ADAMTSL3: variants seen among roughly 807,000 people sequenced by gnomAD.
ADAMTSL3 encodes the protein ADAMTS like 3.
ADAMTSL3 carries 128 observed loss-of-function variants against 201.7 expected under a neutral mutation model. The ratio of observed to expected loss-of-function variants is 0.63; its 90% CI spans 0.55 to 0.73. The LOEUF (loss-of-function observed/expected upper bound fraction) is 0.73, where lower values mean the gene tolerates loss of function less well. Among genes scored for constraint, ADAMTSL3 ranks in the 30% least tolerant of loss-of-function variants. ADAMTSL3 has a pLI of 0.00. For missense variants in ADAMTSL3, 1,990 were observed against 2,119.6 expected (o/e 0.94, Z 1.20); for synonymous variants, 738 against 748.4 (o/e 0.99, Z 0.23).
intron 7 of ADAMTSL3, among the ~76,000 whole-genome samples, chr15:83,848,186 A>T (rs2064541309): frequency 6.6e-6 from 1 of 152,212 alleles, no homozygotes; most frequent in South Asian, 2.1e-4. Flanking sequence ...AAAAAATAAA[A>T]AAATAAACAA....
chr15:83,865,922 A>C (rs953284680), intron 8 of ADAMTSL3, among the ~76,000 whole-genome samples: 74 of 152,204 alleles, frequency 4.9e-4, no homozygotes, highest in African/African-American at 1.6e-3. Context: ...TACAAGAAAA[A>C]AACAGCCCCA....
intron 6 of ADAMTSL3, among the ~76,000 whole-genome samples, chr15:83,837,031 T>C (rs1227905798): frequency 6.6e-6 from 1 of 152,128 alleles, no homozygotes; most frequent in Admixed American, 6.5e-5. Context: ...AGACATGACC[T>C]TTTTTCTCAT....
At chr15:83,797,164 A>G (rs556642579) in intron 4 of ADAMTSL3, among the ~76,000 whole-genome samples, 1 of 152,352 alleles carries the variant, frequency 6.6e-6, no homozygotes, top group Admixed American at 6.5e-5. Flanking sequence ...TAGTATTTGA[A>G]ATATTAAGTA....
intron 5 of ADAMTSL3, among the ~76,000 whole-genome samples, chr15:83,816,832 T>A (rs1374662770): frequency 6.6e-6 from 1 of 152,144 alleles, no homozygotes; most frequent in African/African-American, 2.4e-5. Context: ...ATGGCAAAAC[T>A]GTCTCTACAA....
chr15:83,817,610 A>C (rs2063789732), intron 5 of ADAMTSL3, among the ~76,000 whole-genome samples: 1 of 152,250 alleles, frequency 6.6e-6, no homozygotes, highest in South Asian at 2.1e-4. Context: ...AAGAGTTGAT[A>C]ATTTCACTAT....
intron 6 of ADAMTSL3, among the ~76,000 whole-genome samples, chr15:83,833,505 A>G (rs1279469979): frequency 1.3e-5 from 2 of 152,168 alleles, no homozygotes; most frequent in Admixed American, 6.5e-5. Context: ...GTCTCTGCAT[A>G]TGAATTTTGG....
intron 3 of ADAMTSL3, among the ~76,000 whole-genome samples, chr15:83,726,439 C>T (rs192447545): frequency 6.6e-6 from 1 of 152,186 alleles, no homozygotes; most frequent in East Asian, 1.9e-4. Context: ...CGTTGAATGA[C>T]AGTGGTGAAA....
At chr15:83,734,080 A>G (rs1011043233) in intron 3 of ADAMTSL3, among the ~76,000 whole-genome samples, 1 of 152,198 alleles carries the variant, frequency 6.6e-6, no homozygotes, top group African/African-American at 2.4e-5. Flanking sequence ...TTTGTGTTTT[A>G]TAATGATGCT....
chr15:83,914,032 A>C, intron 16 of ADAMTSL3, among the ~76,000 whole-genome samples: 1 of 152,294 alleles, frequency 6.6e-6, no homozygotes, highest in African/African-American at 2.4e-5. Context: ...TGAAAGTAAA[A>C]AGATAGAAAT....
intron 5 of ADAMTSL3, among the ~76,000 whole-genome samples, chr15:83,819,468 G>C (rs1313623941): frequency 6.6e-6 from 1 of 152,054 alleles, no homozygotes; most frequent in South Asian, 2.1e-4. Flanking sequence ...AAGGAGATTA[G>C]ATAATGCATT....
chr15:83,944,293 T>C (rs2066616169), intron 19 of ADAMTSL3, among the ~76,000 whole-genome samples: 1 of 152,184 alleles, frequency 6.6e-6, no homozygotes, highest in Non-Finnish European at 1.5e-5. Flanking sequence ...TTTGCTCCAG[T>C]CTTGCTGCAT....
chr15:83,874,677 C>T lies in ADAMTSL3; in HGVS notation c.960+3718C>T, dbSNP rs375719436. Among the ~76,000 whole-genome samples, 9 of 143,364 alleles carry T rather than the reference C, an allele frequency of 6.3e-5. 1 individual carries two copies. In the East Asian group the frequency reaches 2.1e-3, roughly 33 times the overall value. The allele number at this position is 143,364 out of a possible 152,430, so 94.1% of individuals were successfully genotyped here. On this transcript the variant is annotated intron_variant, in intron 9 of 29. Transcript: ENST00000286744. ...CTAGATGCAGAGCTCTAAAGCCAGC[C>T]AAGGATTGGATAGGGGTCCCAGCCA...
At chr15:83,902,537 T>C (rs574328639) in intron 15 of ADAMTSL3, among the ~76,000 whole-genome samples, 1 of 152,328 alleles carries the variant, frequency 6.6e-6, no homozygotes, top group South Asian at 2.1e-4. Flanking sequence ...CACAAAGTGC[T>C]GGGATTACAG....
Position 83,874,082 on chromosome 15 carries a change from G to A in ADAMTSL3, c.960+3123G>A, listed in dbSNP as rs1047995039. 2.8e-5 allele frequency among the ~76,000 whole-genome samples: 4 copies of A among 144,704 alleles called. 1 individual carries two copies. The highest frequency in any genetic ancestry group is 2.1e-4 in the South Asian group (1 of 4,690). The allele number at this position is 144,704 out of a possible 152,430, so 94.9% of individuals were successfully genotyped here. On this transcript the variant is annotated intron_variant, in intron 9 of 29. Coordinates refer to ENST00000286744, the MANE Select transcript of ADAMTSL3 (RefSeq NM_207517.3). Reference sequence around the variant, plus strand: ...CCTTTCTCCAGTAAGGCTGCACCTCGGTCTAGTGTCCTCAGGAGGATGTGC... The same window carrying A: ...CCTTTCTCCAGTAAGGCTGCACCTCAGTCTAGTGTCCTCAGGAGGATGTGC...
intron 19 of ADAMTSL3, among the ~76,000 whole-genome samples, chr15:83,966,842 T>C (rs1272247072): frequency 6.6e-6 from 1 of 152,206 alleles, no homozygotes; most frequent in African/African-American, 2.4e-5. Flanking sequence ...CACGATCAAG[T>C]CAGCTTCCTC....
At chr15:83,905,872 C>A (rs531497399) in intron 15 of ADAMTSL3, among the ~76,000 whole-genome samples, 62 of 151,996 alleles carry the variant, frequency 4.1e-4, no homozygotes, top group African/African-American at 1.4e-3. Flanking sequence ...TTTCCCCATA[C>A]GTTCATCAAA....
At chr15:83,946,685 A>AAGAT (rs2066660894) in intron 19 of ADAMTSL3, among the ~76,000 whole-genome samples, 1 of 152,244 alleles carries the variant, frequency 6.6e-6, no homozygotes, top group South Asian at 2.1e-4. Context: ...AGGTCTGCTA[A>AAGAT]CACAGGAGAG....
rs542661437 is a variant in ADAMTSL3 at position 83,774,314 on chromosome 15, T to C, written c.317+664T>C. On this transcript the variant is annotated intron_variant, in intron 4 of 29. Coordinates refer to ENST00000286744, the MANE Select transcript of ADAMTSL3 (RefSeq NM_207517.3). Reference sequence around the variant, plus strand: ...AAGATTATGTCAGTCATCTTCAGATTTGGGATATTGTTAGGCAAAAGAGTA... The same window carrying C: ...AAGATTATGTCAGTCATCTTCAGATCTGGGATATTGTTAGGCAAAAGAGTA... Among the ~76,000 whole-genome samples, 6 of 152,312 alleles carry C rather than the reference T, an allele frequency of 3.9e-5. No individual in the cohort carries two copies. The East Asian group carries it at 1.2e-3, about 29-fold the overall frequency.
At chr15:83,706,882 T>G (rs112526593) in intron 3 of ADAMTSL3, among the ~76,000 whole-genome samples, 6 of 151,958 alleles carry the variant, frequency 3.9e-5, no homozygotes, top group African/African-American at 1.4e-4. Context: ...TTGACCAGGT[T>G]GGCCTCAAAC....
Sources: gnomAD v4.1 joint callset for allele counts (sites outside exome capture counted in the v4.1 genomes callset) on GRCh38, gnomAD v4.1.1 for gene constraint, MANE v1.5 for transcripts, NCBI Gene and HGNC (gene_info 2026-07-23, HGNC 2026-07-21) for gene names.